EXT1: variants seen among roughly 807,000 people sequenced by gnomAD.
The protein encoded by EXT1 is exostosin glycosyltransferase 1.
EXT1 carries 20 observed loss-of-function variants against 82.5 expected under a neutral mutation model. The observed-to-expected ratio is 0.24, with a 90% CI of 0.17 to 0.35. The LOEUF is 0.35. Among genes scored for constraint, EXT1 ranks in the 10% least tolerant of loss-of-function variants. The probability of loss-of-function intolerance (pLI) is 1.00; values close to 1 mark genes in which losing one functional copy is unlikely to be tolerated. For missense variants in EXT1, 757 were observed against 936.5 expected (o/e 0.81, Z 2.50); for synonymous variants, 348 against 350.8 (o/e 0.99, Z 0.09).
chr8:117,800,789 T>G (rs1193308836), intron 10 of EXT1, among the ~76,000 whole-genome samples: 1 of 152,236 alleles, frequency 6.6e-6, no homozygotes, highest in African/African-American at 2.4e-5. Context: ...CTCTCTGTGT[T>G]GCCCCTAAAG....
intron 1 of EXT1, among the ~76,000 whole-genome samples, chr8:118,037,985 C>T (rs1816457127): frequency 6.6e-6 from 1 of 152,034 alleles, no homozygotes; most frequent in African/African-American, 2.4e-5. Flanking sequence ...AGATTACAGG[C>T]ATGCGCCACC....
intron 1 of EXT1, among the ~76,000 whole-genome samples, chr8:117,986,705 C>T (rs1303742227): frequency 6.6e-6 from 1 of 152,130 alleles, no homozygotes; most frequent in African/African-American, 2.4e-5. Context: ...TAAAAACATA[C>T]CGGACCACTT....
chr8:117,917,671 G>A lies in EXT1; in HGVS notation c.963-80470C>T, dbSNP rs754737600. 8.5e-5 allele frequency among the ~76,000 whole-genome samples: 13 copies of A among 152,260 alleles called. No homozygotes were observed. The East Asian group carries it at 1.4e-3, about 16-fold the overall frequency. On this transcript the variant is annotated intron_variant, in intron 1 of 10. Transcript: ENST00000378204. ...AGCACACTCACACTTTCTGATGTGCGTATGGTACCACTGCCTTTTCTGTCT... is the reference window on the plus strand; with the variant it reads ...AGCACACTCACACTTTCTGATGTGCATATGGTACCACTGCCTTTTCTGTCT...
At chr8:118,002,587 A>C (rs1015689353) in intron 1 of EXT1, among the ~76,000 whole-genome samples, 3 of 133,166 alleles carry the variant, frequency 2.3e-5, no homozygotes, top group Non-Finnish European at 4.6e-5. Context: ...GTTGGAGCGC[A>C]GTGGTGCGAT....
intron 1 of EXT1, among the ~76,000 whole-genome samples, chr8:117,874,261 A>C (rs2129902073): frequency 6.6e-6 from 1 of 152,276 alleles, no homozygotes; most frequent in Non-Finnish European, 1.5e-5. Context: ...TAGATCTTTA[A>C]TGTTTTTTCC....
At chr8:117,834,359 C>CT (rs1407046449) in intron 3 of EXT1, among the ~76,000 whole-genome samples, 1 of 152,136 alleles carries the variant, frequency 6.6e-6, no homozygotes, top group Non-Finnish European at 1.5e-5. Context: ...AATTCCAGCA[C>CT]TTTGGGAGGC....
intron 1 of EXT1, among the ~76,000 whole-genome samples, chr8:118,093,575 C>G (rs1817560453): frequency 6.6e-6 from 1 of 152,164 alleles, no homozygotes; most frequent in African/African-American, 2.4e-5. Context: ...ACACAGATGA[C>G]CCAATGACAG....
intron 1 of EXT1, among the ~76,000 whole-genome samples, chr8:117,980,695 G>GTTTTTTTTT (rs1563619758): frequency 4.9e-5 from 2 of 40,870 alleles, no homozygotes; most frequent in Non-Finnish European, 4.8e-5. Flanking sequence ...TCGGGTGTTG[G>GTTTTTTTTT]TGGTTTTTTT....
intron 1 of EXT1, among the ~76,000 whole-genome samples, chr8:117,985,492 C>T (rs1049460911): frequency 2.0e-5 from 3 of 152,052 alleles, no homozygotes; most frequent in Admixed American, 1.3e-4. Flanking sequence ...GTAAAGAGTT[C>T]CTAGTGTGGC....
intron 3 of EXT1, chr8:117,831,765 A>G (rs1475399931): frequency 2.2e-6 from 1 of 444,656 alleles, no homozygotes; most frequent in African/African-American, 2.0e-5. Context: ...GTGGTAGCAC[A>G]TTTTTTAATT....
At position 117,818,492 on chromosome 8, in the gene EXT1, G is replaced by A; in HGVS notation, c.1575C>T (p.Ala525=). 1 of 1,614,042 alleles carries A rather than the reference G, an allele frequency of 6.2e-7. No homozygotes were observed. The highest frequency in any genetic ancestry group is 1.1e-5 in the South Asian group (1 of 91,080). Reference sequence around the variant, plus strand: ...CAGCAGTGGCAGGCCAGCGGTGTTTGGCTGGTAGGGGCTTGTCACAATTCC... The same window carrying A: ...CAGCAGTGGCAGGCCAGCGGTGTTTAGCTGGTAGGGGCTTGTCACAATTCC... ...VLWNCDKPLP[A]KHRWPATAVP... is the part of the protein sequence containing the mutation. Residue 525 remains alanine (A), a synonymous_variant, in exon 7 of 11, where the codon GCC becomes GCT. Transcript: ENST00000378204.
chr8:117,910,960 T>C (rs1021781476), intron 1 of EXT1, among the ~76,000 whole-genome samples: 4 of 152,200 alleles, frequency 2.6e-5, no homozygotes, highest in Admixed American at 1.3e-4. Context: ...GCTGCAGAGA[T>C]GGATGATGCC....
intron 1 of EXT1, among the ~76,000 whole-genome samples, chr8:118,027,446 G>A (rs1170480235): frequency 6.6e-6 from 1 of 151,946 alleles, no homozygotes; most frequent in African/African-American, 2.4e-5. Context: ...AACAGATCTG[G>A]CTCAAGGGCA....
chr8:117,880,944 C>T (rs1028322513), intron 1 of EXT1, among the ~76,000 whole-genome samples: 1 of 152,040 alleles, frequency 6.6e-6, no homozygotes, highest in Non-Finnish European at 1.5e-5. Context: ...GACCTATTAA[C>T]CTTTTTAGGA....
At chr8:118,046,321 G>T (rs944648735) in intron 1 of EXT1, among the ~76,000 whole-genome samples, 1 of 152,084 alleles carries the variant, frequency 6.6e-6, no homozygotes. Flanking sequence ...ATCAGCTAAG[G>T]CCTGCTGGAA....
intron 1 of EXT1, among the ~76,000 whole-genome samples, chr8:117,918,033 G>T (rs1356495586): frequency 6.6e-6 from 1 of 152,046 alleles, no homozygotes; most frequent in East Asian, 1.9e-4. Flanking sequence ...CCTTTTCCAG[G>T]GATAAGCCTC....
chr8:117,855,103 A>G (rs536052287), intron 1 of EXT1, among the ~76,000 whole-genome samples: 1 of 152,332 alleles, frequency 6.6e-6, no homozygotes, highest in South Asian at 2.1e-4. Flanking sequence ...AAGATAAAGC[A>G]GTCATATCCT....
chr8:117,885,978 A>G (rs559734213), intron 1 of EXT1, among the ~76,000 whole-genome samples: 8 of 152,138 alleles, frequency 5.3e-5, no homozygotes, highest in Middle Eastern at 3.2e-3. Context: ...AGCCTATTGA[A>G]CCTGGTTTCA....
chr8:117,939,570 T>TG (rs1554587593), intron 1 of EXT1, among the ~76,000 whole-genome samples: 1 of 66,888 alleles, frequency 1.5e-5, no homozygotes, highest in Non-Finnish European at 3.4e-5. Context: ...ACTCCATCTC[T>TG]GAAAAAAAAA....
Sources: gnomAD v4.1 joint callset for allele counts (sites outside exome capture counted in the v4.1 genomes callset) on GRCh38, gnomAD v4.1.1 for gene constraint, MANE v1.5 for transcripts, NCBI Gene and HGNC (gene_info 2026-07-23, HGNC 2026-07-21) for gene names.